The following PEX5L variants were observed in gnomAD, a reference collection of about 807,000 sequenced individuals.
PEX5L encodes PEX5-related protein.
Under a neutral mutation model 84.0 loss-of-function variants are expected in PEX5L, and 30 were observed. The ratio of observed to expected loss-of-function variants is 0.36; its 90% CI spans 0.27 to 0.48. PEX5L has a LOEUF of 0.48. Ranked by LOEUF, PEX5L falls within the 20% of genes least tolerant of loss-of-function variation. The probability of loss-of-function intolerance (pLI) is 0.99; values close to 1 mark genes in which losing one functional copy is unlikely to be tolerated. For missense variants in PEX5L, 533 were observed against 754.6 expected, an observed-to-expected ratio of 0.71 and a Z score of 3.44; for synonymous variants, 270 against 283.1, an observed-to-expected ratio of 0.95 and a Z score of 0.46.
chr3:179,810,338 C>T (rs1723307713), intron 11 of PEX5L, among the ~76,000 whole-genome samples: 1 of 151,888 alleles, frequency 6.6e-6, no homozygotes, highest in South Asian at 2.1e-4. Flanking sequence ...ATCTATTATC[C>T]CCAAAGAGAA....
intron 8 of PEX5L, among the ~76,000 whole-genome samples, chr3:179,856,400 CTG>C (rs1743957114): frequency 6.6e-6 from 1 of 151,972 alleles, no homozygotes; most frequent in Non-Finnish European, 1.5e-5. Context: ...TAGTTAAACT[CTG>C]TTATGGGATA....
intron 1 of PEX5L, among the ~76,000 whole-genome samples, chr3:180,006,278 C>T (rs904336062): frequency 2.6e-5 from 4 of 152,108 alleles, no homozygotes; most frequent in Admixed American, 2.0e-4. Context: ...TTCGCCACTT[C>T]CTTCTTTATT....
chr3:179,913,384 T>C (rs1765860074), intron 2 of PEX5L, among the ~76,000 whole-genome samples: 1 of 152,162 alleles, frequency 6.6e-6, no homozygotes, highest in African/African-American at 2.4e-5. Flanking sequence ...TTTGTTTCCA[T>C]TTATAATAAA....
At chr3:179,871,295 G>A (rs1332484657) in intron 7 of PEX5L, among the ~76,000 whole-genome samples, 6 of 151,886 alleles carry the variant, frequency 4.0e-5, no homozygotes, top group Non-Finnish European at 7.4e-5. Context: ...CAGAGATGGG[G>A]TTTCACCATG....
intron 2 of PEX5L, among the ~76,000 whole-genome samples, chr3:179,904,402 G>A (rs1324423518): frequency 6.6e-6 from 1 of 152,182 alleles, no homozygotes; most frequent in East Asian, 1.9e-4. Context: ...AGTGGGGGAA[G>A]GGAGCAGGTG....
At chr3:179,975,538 A>ATCTT (rs746049238) in intron 1 of PEX5L, among the ~76,000 whole-genome samples, 3 of 152,228 alleles carry the variant, frequency 2.0e-5, no homozygotes, top group East Asian at 3.9e-4. Context: ...CAAAATAAAT[A>ATCTT]TAAAGGTTTG....
rs760808095 is a variant in PEX5L at position 179,887,816 on chromosome 3, C to T, written c.199-32G>A. 3.0e-5 allele frequency: 42 copies of T among 1,382,084 alleles called. No individual in the cohort carries two copies. In the African/African-American group the frequency reaches 3.5e-4, roughly 12 times the overall value. 85.6% of individuals were successfully genotyped at this position (1,382,084 alleles called of 1,614,324 possible). On this transcript the variant is annotated intron_variant, in intron 3 of 14. Coordinates refer to ENST00000467460, the MANE Select transcript of PEX5L (RefSeq NM_016559.3). The stretch of plus-strand genomic sequence containing the variant: ...ACAAATGAACAGAGGTGTCAAAGGG[C>T]TTTGTTAAACTGCAGAGTCAGATGA...
At chr3:180,007,857 G>A (rs1054612920) in intron 1 of PEX5L, among the ~76,000 whole-genome samples, 5 of 152,218 alleles carry the variant, frequency 3.3e-5, no homozygotes, top group Non-Finnish European at 7.3e-5. Context: ...CAGGGACCCT[G>A]GGCCTGGCCC....
intron 2 of PEX5L, chr3:179,902,766 A>T: frequency 2.5e-6 from 1 of 405,704 alleles, no homozygotes; most frequent in South Asian, 1.8e-5. Context: ...CTACCAAGGA[A>T]TTTGTAATTT....
chr3:179,861,966 A>G (rs1393374723), intron 7 of PEX5L, among the ~76,000 whole-genome samples: 1 of 152,196 alleles, frequency 6.6e-6, no homozygotes, highest in Non-Finnish European at 1.5e-5. Context: ...TAGTGTAACA[A>G]ATATAAACTA....
intron 2 of PEX5L, among the ~76,000 whole-genome samples, chr3:179,971,195 C>T (rs971368589): frequency 6.6e-6 from 1 of 151,916 alleles, no homozygotes; most frequent in African/African-American, 2.4e-5. Context: ...TTCTCTCTTT[C>T]TCTCTCTCAA....
rs1718789017 is a variant in PEX5L at position 179,801,301 on chromosome 3, G to C, written c.*527C>G. 1 of 154,450 alleles carries C rather than the reference G, an allele frequency of 6.5e-6. No homozygotes were observed. The highest frequency in any genetic ancestry group is 2.4e-5 in the African/African-American group (1 of 41,464). 9.6% of individuals were successfully genotyped at this position (154,450 alleles called of 1,614,324 possible). On this transcript the variant is annotated 3_prime_UTR_variant, in exon 15 of 15. Coordinates refer to ENST00000467460, the MANE Select transcript of PEX5L (RefSeq NM_016559.3). ...CCCTCTCTGGAATCAAAGGGCTACA[G>C]TAAAAGTTAAAATTGGAACAGGTTT... is the stretch of plus-strand genomic sequence containing the variant.
At chr3:179,896,182 G>A (rs1759206498) in intron 3 of PEX5L, 1 of 152,126 alleles carries the variant, frequency 6.6e-6, no homozygotes, top group African/African-American at 2.4e-5. Flanking sequence ...AGTGGAAAAA[G>A]TATATCAACT....
intron 2 of PEX5L, among the ~76,000 whole-genome samples, chr3:179,904,830 G>A (rs758489034): frequency 4.6e-5 from 7 of 151,962 alleles, no homozygotes; most frequent in Non-Finnish European, 8.8e-5. Context: ...TCGTCTCCTC[G>A]ACAGTCAGTG....
intron 1 of PEX5L, among the ~76,000 whole-genome samples, chr3:180,010,470 T>C (rs1789362707): frequency 6.6e-6 from 1 of 151,932 alleles, no homozygotes; most frequent in Non-Finnish European, 1.5e-5. Flanking sequence ...AAATAAAGAA[T>C]TATGTGTCCT....
chr3:179,818,154 T>C (rs564329550), intron 9 of PEX5L, among the ~76,000 whole-genome samples: 3 of 152,324 alleles, frequency 2.0e-5, no homozygotes, highest in East Asian at 3.8e-4. Context: ...TAAATATTTG[T>C]TGCATTAGCA....
intron 8 of PEX5L, among the ~76,000 whole-genome samples, chr3:179,831,921 C>T (rs1425432465): frequency 6.6e-6 from 1 of 152,104 alleles, no homozygotes; most frequent in Non-Finnish European, 1.5e-5. Flanking sequence ...CAGAAAAGAC[C>T]TTATACAGTT....
chr3:179,992,849 G>C (rs1277304688), intron 1 of PEX5L, among the ~76,000 whole-genome samples: 1 of 151,956 alleles, frequency 6.6e-6, no homozygotes, highest in Non-Finnish European at 1.5e-5. Flanking sequence ...TTTGATTTTT[G>C]ACCTGGTTCT....
intron 2 of PEX5L, 78 bp downstream of exon 2, chr3:179,971,516 A>G: frequency 6.8e-7 from 1 of 1,466,566 alleles, no homozygotes; most frequent in South Asian, 1.5e-5. Flanking sequence ...CTGCCAGAGA[A>G]GGGCTGAACA....
Sources: allele counts gnomAD v4.1 joint callset (sites outside exome capture counted in the v4.1 genomes callset), GRCh38; gene constraint gnomAD v4.1.1; transcripts MANE v1.5; gene names NCBI Gene and HGNC (gene_info 2026-07-23, HGNC 2026-07-21).